Variants in FAM83F observed in about 807,000 individuals in gnomAD.
FAM83F encodes scaffolding CK1 anchoring protein F, also known as protein FAM83F.
FAM83F carries 45 observed loss-of-function variants against 42.9 expected under a neutral mutation model. The ratio of observed to expected loss-of-function variants is 1.05; its 90% CI spans 0.83 to 1.35. The LOEUF (loss-of-function observed/expected upper bound fraction) is 1.35. Ranked by LOEUF, FAM83F falls within the 40% of genes most tolerant of loss-of-function variation. The probability of loss-of-function intolerance (pLI) is 0.00; values close to 1 mark genes in which losing one functional copy is unlikely to be tolerated. For synonymous variants in FAM83F, 306 were observed against 298.3 expected (o/e 1.03, Z -0.27); for missense variants, 617 against 695.9 (o/e 0.89, Z 1.28).
rs748210610 is a variant in FAM83F at position 40,036,255 on chromosome 22, C to G, written c.*6690C>G. 2 of 152,210 alleles carry G rather than the reference C, an allele frequency of 1.3e-5. No individual in the cohort carries two copies. The highest frequency in any genetic ancestry group is 3.9e-4 in the East Asian group (2 of 5,194). 9.4% of individuals were successfully genotyped at this position (152,210 alleles called of 1,614,324 possible). On this transcript the variant is annotated 3_prime_UTR_variant, in exon 5 of 5. Coordinates refer to ENST00000333407, the MANE Select transcript of FAM83F (RefSeq NM_138435.4). The stretch of plus-strand genomic sequence containing the variant: ...GTGTTACCCAAGCTAGACTTGAACT[C>G]CTGGCCTCAAGCGATCCTTCCGCCT...
Position 40,033,466 on chromosome 22 carries a change from C to T in FAM83F, c.*3901C>T, listed in dbSNP as rs2067601884. 1 of 152,360 alleles carries T rather than the reference C, an allele frequency of 6.6e-6. No individual in the cohort carries two copies. The highest frequency in any genetic ancestry group is 1.9e-4 in the East Asian group (1 of 5,194). The allele number at this position is 152,360 out of a possible 1,614,324, so 9.4% of individuals were successfully genotyped here. A position where few individuals can be genotyped will look rare whatever the true frequency, so the allele number is the denominator to read the frequency against. On this transcript the variant is annotated 3_prime_UTR_variant, in exon 5 of 5. Coordinates refer to ENST00000333407, the MANE Select transcript of FAM83F (RefSeq NM_138435.4). ...ATCCCACGTCACAGAGAATGCAGGT[C>T]TGAGTCTGTTCCTTGAGCTCAGGGT...
chr22:40,010,870 C>T (rs1001407623), intron 1 of FAM83F, among the ~76,000 whole-genome samples: 1 of 152,200 alleles, frequency 6.6e-6, no homozygotes, highest in Non-Finnish European at 1.5e-5. Context: ...TCAAACCCTC[C>T]GTATCCAGCC....
At position 40,035,691 on chromosome 22, in the gene FAM83F, GCTA is replaced by G. The variant is rs2067619574; in HGVS notation, c.*6127_*6129del. On this transcript the variant is annotated 3_prime_UTR_variant, in exon 5 of 5. Transcript: ENST00000333407. ...GAAATCCTATCTCTGCCACCGAACA[GCTA>G]ATGACCCCAGCAAGCAATTTCACAT... is the stretch of plus-strand genomic sequence containing the variant. The G allele has an allele frequency of 6.6e-6, 1 of 152,266 alleles. No individual in the cohort carries two copies. Among genetic ancestry groups the G allele is most frequent in the Non-Finnish European group, 1.5e-5 (1 of 68,102 alleles). The allele number at this position is 152,266 out of a possible 1,614,324, so 9.4% of individuals were successfully genotyped here.
chr22:40,017,635 G>A (rs190628330), intron 1 of FAM83F, among the ~76,000 whole-genome samples: 2 of 152,290 alleles, frequency 1.3e-5, no homozygotes, highest in African/African-American at 4.8e-5. Flanking sequence ...AGCTTGGGCC[G>A]GCTGTGGCAT....
At chr22:40,007,189 G>A (rs187746582) in intron 1 of FAM83F, among the ~76,000 whole-genome samples, 2 of 146,562 alleles carry the variant, frequency 1.4e-5, no homozygotes, top group Non-Finnish European at 3.0e-5. Context: ...CTTGCAGCAG[G>A]AGCCCCTCCT....
rs1273846250 is a variant in FAM83F, at chr22:39,995,116, TCTA to T, written c.80_82del (p.Tyr27del). Reference sequence around the variant, plus strand: ...AAGGTGACCGAGGCGCAGGCCGCCTTCTACTACTGCGAGCGGCGGCGGGCCGCG... The same window carrying T: ...AAGGTGACCGAGGCGCAGGCCGCCTTCTACTGCGAGCGGCGGCGGGCCGCG... On this transcript the variant is annotated inframe_deletion, in exon 1 of 5. Transcript: ENST00000333407. The surrounding 1 kb of genome is among the most constrained non-coding windows in gnomAD (Gnocchi z 4.6). 1 of 1,364,602 alleles carries T rather than the reference TCTA, an allele frequency of 7.3e-7. No individual in the cohort carries two copies. The highest frequency in any genetic ancestry group is 1.5e-5 in the African/African-American group (1 of 64,988). 84.5% of individuals were successfully genotyped at this position (1,364,602 alleles called of 1,614,324 possible).
intron 1 of FAM83F, among the ~76,000 whole-genome samples, chr22:40,006,659 C>T (rs1372883947): frequency 1.3e-5 from 2 of 152,184 alleles, no homozygotes; most frequent in Non-Finnish European, 2.9e-5. Flanking sequence ...GGGGTATGAG[C>T]TGATTATCTG....
At chr22:40,027,754 C>T (rs1425370872) in intron 4 of FAM83F, among the ~76,000 whole-genome samples, 1 of 152,226 alleles carries the variant, frequency 6.6e-6, no homozygotes, top group East Asian at 1.9e-4. Context: ...AAGTGGGGAG[C>T]ATGGTGCTGG....
In FAM83F at chr22:40,031,964, C is replaced by G. The variant is rs2067590534; in HGVS notation, c.*2399C>G. 1 of 152,304 alleles carries G rather than the reference C, an allele frequency of 6.6e-6. No homozygotes were observed. Among genetic ancestry groups the G allele is most frequent in the Non-Finnish European group, 1.5e-5 (1 of 68,080 alleles). The allele number at this position is 152,304 out of a possible 1,614,324, so 9.4% of individuals were successfully genotyped here. A position where few individuals can be genotyped will look rare whatever the true frequency, so the allele number is the denominator to read the frequency against. ...AGTACGCCTGCCCTCTGTTCCAGCA[C>G]TTGCACATACTTTGTGAAGCAGTCT... On this transcript the variant is annotated 3_prime_UTR_variant, in exon 5 of 5. Transcript: ENST00000333407.
intron 1 of FAM83F, among the ~76,000 whole-genome samples, chr22:40,014,230 TA>T (rs1429852201): frequency 6.6e-6 from 1 of 151,100 alleles, no homozygotes; most frequent in Non-Finnish European, 1.5e-5. Flanking sequence ...GCCTGAGACT[TA>T]AAGGGAGTAC....
intron 1 of FAM83F, among the ~76,000 whole-genome samples, chr22:40,010,327 C>A (rs565243354): frequency 6.6e-6 from 1 of 152,292 alleles, no homozygotes; most frequent in South Asian, 2.1e-4. Flanking sequence ...GGAGCTGGTT[C>A]CCCTGGGCCT....
intron 1 of FAM83F, among the ~76,000 whole-genome samples, chr22:40,007,245 C>G (rs1490768864): frequency 1.8e-5 from 2 of 112,620 alleles, no homozygotes; most frequent in Non-Finnish European, 3.8e-5. Context: ...CTCCCCTCCT[C>G]CTCTCCTCCT....
intron 1 of FAM83F, among the ~76,000 whole-genome samples, chr22:40,004,405 C>T (rs947457823): frequency 1.3e-5 from 2 of 151,934 alleles, no homozygotes; most frequent in Non-Finnish European, 2.9e-5. Context: ...TGGGTTCAAG[C>T]GATTCTTCCG....
chr22:40,032,050 TG>T lies in FAM83F; in HGVS notation c.*2487del, dbSNP rs1171570273. On this transcript the variant is annotated 3_prime_UTR_variant, in exon 5 of 5. Coordinates refer to ENST00000333407, the MANE Select transcript of FAM83F (RefSeq NM_138435.4). ...CCCAGTTGGATGGCAAGTTCAAGGGTGGATCATGCCCTTGGTCCCTGCACAG... is the reference window on the plus strand; with the variant it reads ...CCCAGTTGGATGGCAAGTTCAAGGGTGATCATGCCCTTGGTCCCTGCACAG... The T allele has an allele frequency of 6.7e-6, 1 of 148,954 alleles. No homozygotes were observed. Among genetic ancestry groups the T allele is most frequent in the Admixed American group, 6.6e-5 (1 of 15,112 alleles). The allele number at this position is 148,954 out of a possible 1,614,324, so 9.2% of individuals were successfully genotyped here.
intron 1 of FAM83F, among the ~76,000 whole-genome samples, chr22:40,008,561 T>C (rs943781062): frequency 9.2e-5 from 14 of 152,146 alleles, no homozygotes; most frequent in Non-Finnish European, 1.6e-4. Flanking sequence ...CCAGACCATA[T>C]ATTATCCTGC....
intron 4 of FAM83F, among the ~76,000 whole-genome samples, chr22:40,025,020 C>T (rs1050092278): frequency 6.6e-6 from 1 of 152,152 alleles, no homozygotes; most frequent in African/African-American, 2.4e-5. Flanking sequence ...TCGCCTCCTG[C>T]TGGGAGTGTT....
chr22:40,022,041 C>T, intron 4 of FAM83F, 78 bp downstream of exon 4: 1 of 1,246,532 alleles, frequency 8.0e-7, no homozygotes, highest in Non-Finnish European at 1.1e-6. Context: ...TCCAGGAGCA[C>T]TGCCTCATAC....
intron 1 of FAM83F, among the ~76,000 whole-genome samples, chr22:39,997,729 C>A (rs184510414): frequency 5.2e-4 from 79 of 152,240 alleles, no homozygotes; most frequent in African/African-American, 1.8e-3. Flanking sequence ...AAAGAGCTGT[C>A]GTGGGGGGAG....
intron 1 of FAM83F, among the ~76,000 whole-genome samples, chr22:40,012,582 C>T (rs1367805096): frequency 6.7e-6 from 1 of 150,312 alleles, no homozygotes; most frequent in East Asian, 2.0e-4. Flanking sequence ...CCAGCCTGGC[C>T]AACATGGTGA....
Sources: gnomAD v4.1 joint callset for allele counts (sites outside exome capture counted in the v4.1 genomes callset) on GRCh38, gnomAD v4.1.1 for gene constraint, Gnocchi (gnomAD v3.1) non-coding constraint, MANE v1.5 for transcripts, NCBI Gene and HGNC (gene_info 2026-07-23, HGNC 2026-07-21) for gene names.